The following FZD3 variants were observed in gnomAD, a reference collection of about 807,000 sequenced individuals.
The protein encoded by FZD3 is frizzled-3.
FZD3 carries 30 observed loss-of-function variants against 60.7 expected under a neutral mutation model. That is an observed-to-expected ratio of 0.49 (90% CI 0.37 to 0.67). The LOEUF (loss-of-function observed/expected upper bound fraction) is 0.67. Ranked by LOEUF, FZD3 falls within the 30% of genes least tolerant of loss-of-function variation. FZD3 has a pLI of 0.00. For synonymous variants in FZD3, 246 were observed against 275.2 expected (o/e 0.89, Z 1.05); for missense variants, 605 against 838.7 (o/e 0.72, Z 3.44).
rs1805777838 is a variant in FZD3 at position 28,570,101 on chromosome 8, ATAT to A, written c.*7096_*7098del. ...GGGCAAGTGAATGTCTTCATTTGAA[ATAT>A]TATTAGAGATCAATGTGGCTTGTTA... On this transcript the variant is annotated 3_prime_UTR_variant, in exon 8 of 8. Transcript: ENST00000240093. The A allele has an allele frequency of 6.6e-6, 1 of 152,242 alleles. No homozygotes were observed. The highest frequency in any genetic ancestry group is 2.1e-4 in the South Asian group (1 of 4,836). 9.4% of individuals were successfully genotyped at this position (152,242 alleles called of 1,614,324 possible). A position where few individuals can be genotyped will look rare whatever the true frequency, so the allele number is the denominator to read the frequency against.
At chr8:28,520,527 A>T in intron 3 of FZD3, 111 bp from the exon 4 acceptor site, 1 of 666,972 alleles carries the variant, frequency 1.5e-6, no homozygotes, top group Non-Finnish European at 2.4e-6. Context: ...AGAAAATTTT[A>T]ATAACCCTCA....
At chr8:28,519,362 AT>A (rs1413231662) in intron 3 of FZD3, among the ~76,000 whole-genome samples, 7 of 152,144 alleles carry the variant, frequency 4.6e-5, no homozygotes, top group Non-Finnish European at 8.8e-5. Flanking sequence ...TGGGGTTACT[AT>A]TTTTTTTCCC....
chr8:28,508,699 T>C lies in FZD3; in HGVS notation c.189+5497T>C, dbSNP rs546339285. 6.2e-4 allele frequency among the ~76,000 whole-genome samples: 94 copies of C among 152,156 alleles called. 1 individual carries two copies. The highest frequency in any genetic ancestry group is 6.8e-3 in the Middle Eastern group (2 of 294). ...TGTTTTTTGTTTGTTTGTTTGTTTGTTTGTTTGTAGAGACAGGGTTTCACC... is the reference window on the plus strand; with the variant it reads ...TGTTTTTTGTTTGTTTGTTTGTTTGCTTGTTTGTAGAGACAGGGTTTCACC... On this transcript the variant is annotated intron_variant, in intron 3 of 7. Transcript: ENST00000240093.
intron 3 of FZD3, 41 bp downstream of exon 3, chr8:28,503,243 C>G: frequency 7.7e-7 from 1 of 1,295,290 alleles, no homozygotes; most frequent in Middle Eastern, 2.3e-4. Flanking sequence ...TAGTAAATGA[C>G]TCTTGTGTTG....
chr8:28,550,385 G>A (rs1421806188), intron 5 of FZD3, among the ~76,000 whole-genome samples: 4 of 145,276 alleles, frequency 2.8e-5, no homozygotes, highest in African/African-American at 1.0e-4. Context: ...TGATTAGACT[G>A]GAGTCTGGCC....
At chr8:28,498,524 CA>C (rs975783435) in intron 1 of FZD3, among the ~76,000 whole-genome samples, 4 of 152,120 alleles carry the variant, frequency 2.6e-5, no homozygotes, top group African/African-American at 9.7e-5. Context: ...GCAGATAATT[CA>C]TTATGTTATT....
rs537672856 is a variant in FZD3 at position 28,570,624 on chromosome 8, C to CAA, written c.*7625_*7626dup. ...TGGGCAACGGAGCGAGACTCTATCT[C>CAA]AAAAAAAAAAAAAGAAAAAAAAAAA... is the stretch of plus-strand genomic sequence containing the variant. On this transcript the variant is annotated 3_prime_UTR_variant, in exon 8 of 8. Coordinates refer to ENST00000240093, the MANE Select transcript of FZD3 (RefSeq NM_017412.4). The CAA allele has an allele frequency of 0.019, 1,951 of 103,696 alleles. 65 individuals are homozygous for CAA. Among genetic ancestry groups the CAA allele is most frequent in the African/African-American group, 0.064 (1,815 of 28,142 alleles). The allele number at this position is 103,696 out of a possible 1,614,324, so 6.4% of individuals were successfully genotyped here. A position where few individuals can be genotyped will look rare whatever the true frequency, so the allele number is the denominator to read the frequency against.
intron 1 of FZD3, among the ~76,000 whole-genome samples, chr8:28,499,266 A>G (rs937308157): frequency 4.6e-5 from 7 of 152,232 alleles, no homozygotes; most frequent in African/African-American, 9.6e-5. Flanking sequence ...AGATATATAC[A>G]TATACTGTTT....
chr8:28,525,090 T>C (rs352209), intron 4 of FZD3, among the ~76,000 whole-genome samples: 4,019 of 152,268 alleles, frequency 0.026, 217 homozygotes, highest in African/African-American at 0.09. Flanking sequence ...GTCTGTCTTT[T>C]ACACTGCTCC....
Position 28,527,376 on chromosome 8 carries a change from A to G in FZD3, c.616A>G (p.Ile206Val), listed in dbSNP as rs1305265910. 1.1e-5 allele frequency: 17 copies of G among 1,613,730 alleles called. No homozygotes were observed. Among genetic ancestry groups the G allele is most frequent in the Admixed American group, 3.3e-5 (2 of 59,984 alleles). The change falls in exon 5 of 8, where the codon ATA (isoleucine) becomes GTA (valine). Residue 206 changes from isoleucine (I) to valine (V), a missense_variant. Transcript: ENST00000240093. This position sits in a 1 kb window ranked among gnomAD's most constrained non-coding sequence, Gnocchi z 5.0. ...AGAACTGTCATTTGCTCGCTATTTC[A>G]TAGGATTGATTTCAATCATTTGCCT... ...REELSFARYFIGLISIICLSA... is the reference protein window; with the variant it reads ...REELSFARYFVGLISIICLSA...
chr8:28,510,389 T>C (rs1443037067), intron 3 of FZD3, among the ~76,000 whole-genome samples: 1 of 152,244 alleles, frequency 6.6e-6, no homozygotes, highest in South Asian at 2.1e-4. Flanking sequence ...GACCTCTCTA[T>C]AGGGGTTGTA....
intron 7 of FZD3, among the ~76,000 whole-genome samples, chr8:28,558,721 T>C (rs10091573): frequency 0.59 from 89,009 of 152,066 alleles, 26,251 homozygotes; most frequent in East Asian, 0.65. Flanking sequence ...CATGAGCCAC[T>C]GTGCCCGGCC....
chr8:28,553,178 T>G (rs975356565), intron 6 of FZD3, among the ~76,000 whole-genome samples: 1 of 152,196 alleles, frequency 6.6e-6, no homozygotes, highest in Non-Finnish European at 1.5e-5. Context: ...CTCCTTTAAA[T>G]ATAATTTTGT....
intron 1 of FZD3, 146 bp from the exon 2 acceptor site, chr8:28,499,787 C>A (rs951312316): frequency 1.3e-5 from 2 of 151,774 alleles, no homozygotes; most frequent in Admixed American, 6.6e-5. Flanking sequence ...TGTTTCTTGG[C>A]TGTTTGTATT....
Position 28,568,196 on chromosome 8 carries a change from T to C in FZD3, c.*5185T>C, listed in dbSNP as rs1482184084. On this transcript the variant is annotated 3_prime_UTR_variant, in exon 8 of 8. Transcript: ENST00000240093. ...CAAAGGAACTTGTGATTCTTTTCAA[T>C]GCTTTTGTGTCGTTTTACAGCTGAT... The C allele has an allele frequency of 6.6e-6, 1 of 152,208 alleles. No individual in the cohort carries two copies. The highest frequency in any genetic ancestry group is 1.5e-5 in the Non-Finnish European group (1 of 68,006). 9.4% of individuals were successfully genotyped at this position (152,208 alleles called of 1,614,324 possible).
intron 3 of FZD3, among the ~76,000 whole-genome samples, chr8:28,515,736 TC>T (rs1398675576): frequency 6.6e-6 from 1 of 152,212 alleles, no homozygotes; most frequent in Non-Finnish European, 1.5e-5. Flanking sequence ...AAGCTGCTGA[TC>T]ACCAATTTCA....
chr8:28,562,642 T>C (rs73561603), intron 7 of FZD3, among the ~76,000 whole-genome samples, 156 bp from the exon 8 acceptor site: 3,295 of 152,346 alleles, frequency 0.022, 110 homozygotes, highest in African/African-American at 0.075. Context: ...AATTCTACAG[T>C]GTTAACGAAG....
intron 4 of FZD3, among the ~76,000 whole-genome samples, chr8:28,526,053 T>A (rs1476177093): frequency 6.6e-6 from 1 of 151,922 alleles, no homozygotes; most frequent in Non-Finnish European, 1.5e-5. Context: ...GGGTTGAAGA[T>A]TGAGGTGCCT....
rs1428480399 is a variant in FZD3 at position 28,569,213 on chromosome 8, T to C, written c.*6202T>C. The C allele has an allele frequency of 6.6e-6, 1 of 151,576 alleles. No homozygotes were observed. The highest frequency in any genetic ancestry group is 1.5e-5 in the Non-Finnish European group (1 of 67,856). The allele number at this position is 151,576 out of a possible 1,614,324, so 9.4% of individuals were successfully genotyped here. ...TTTTTTAACTTAGAGCTTAATAATT[T>C]CTATTTTCTATCCTGGAGTCTAAAA... On this transcript the variant is annotated 3_prime_UTR_variant, in exon 8 of 8. Coordinates refer to ENST00000240093, the MANE Select transcript of FZD3 (RefSeq NM_017412.4).
Sources: allele counts gnomAD v4.1 joint callset (sites outside exome capture counted in the v4.1 genomes callset), GRCh38; gene constraint gnomAD v4.1.1; non-coding constraint Gnocchi (gnomAD v3.1); transcripts MANE v1.5; gene names NCBI Gene and HGNC (gene_info 2026-07-23, HGNC 2026-07-21).